WDR59: variants seen among roughly 807,000 people sequenced by gnomAD.
The protein encoded by WDR59 is WD repeat domain 59.
In WDR59, 100 loss-of-function variants were observed where a neutral mutation model predicts 131.2. The observed-to-expected ratio is 0.76, with a 90% CI of 0.65 to 0.90. WDR59 has a LOEUF of 0.90. WDR59 is among the 40% of genes least tolerant of loss of function. The pLI is 0.00. For missense variants in WDR59, 1,203 were observed against 1,262.2 expected (o/e 0.95, Z 0.71); for synonymous variants, 601 against 466.2 (o/e 1.29, Z -3.72).
chr16:74,878,926 G>T (rs551412699), intron 25 of WDR59, among the ~76,000 whole-genome samples: 1 of 152,190 alleles, frequency 6.6e-6, no homozygotes, highest in African/African-American at 2.4e-5. Context: ...GCCTAAAGTC[G>T]CTTCCTATAA....
intron 8 of WDR59, among the ~76,000 whole-genome samples, chr16:74,937,008 T>C (rs1006662556): frequency 1.3e-5 from 2 of 152,204 alleles, no homozygotes; most frequent in Non-Finnish European, 2.9e-5. Context: ...AAAGATGTCA[T>C]ATATGACTAT....
intron 2 of WDR59, chr16:74,959,399 T>A: frequency 2.9e-6 from 1 of 341,504 alleles, no homozygotes; most frequent in African/African-American, 2.2e-5. Flanking sequence ...CAGTCGCTCT[T>A]TAGCATTAGC....
At chr16:74,959,492 G>A in intron 2 of WDR59, 1 of 446,532 alleles carries the variant, frequency 2.2e-6, no homozygotes, top group Non-Finnish European at 4.5e-6. Flanking sequence ...ATGGTTGGAA[G>A]CAGCAGCTCA....
chr16:74,925,759 T>C (rs1238482869), intron 8 of WDR59, among the ~76,000 whole-genome samples: 1 of 149,426 alleles, frequency 6.7e-6, no homozygotes, highest in Non-Finnish European at 1.5e-5. Flanking sequence ...GCTCGTACAG[T>C]GGCTCATGCC....
chr16:74,875,565 A>G (rs1349250763), intron 25 of WDR59, among the ~76,000 whole-genome samples: 2 of 152,058 alleles, frequency 1.3e-5, no homozygotes, highest in African/African-American at 2.4e-5. Context: ...TCCCAAACCT[A>G]CACCACTAAC....
Position 74,876,935 on chromosome 16 carries a change from C to T in WDR59, c.2690-2491G>A, listed in dbSNP as rs1161911398. Among the ~76,000 whole-genome samples the T allele has an allele frequency of 4.6e-5, 7 of 152,064 alleles. No individual in the cohort carries two copies. In the East Asian group the frequency reaches 1.3e-3, roughly 29 times the overall value. On this transcript the variant is annotated intron_variant, in intron 25 of 25. Coordinates refer to ENST00000262144, the MANE Select transcript of WDR59 (RefSeq NM_030581.4). ...CCTTTGGAATATCCCTGACAATCCA[C>T]TAATCGTGCCGGTCGCTAATGGTTC...
intron 1 of WDR59, among the ~76,000 whole-genome samples, chr16:74,966,637 C>A (rs2033788700): frequency 1.3e-5 from 2 of 152,114 alleles, no homozygotes; most frequent in African/African-American, 4.8e-5. Context: ...ACCCAAGACA[C>A]CCGTGACTTT....
At chr16:74,899,109 A>T (rs193013839) in intron 18 of WDR59, among the ~76,000 whole-genome samples, 12 of 152,304 alleles carry the variant, frequency 7.9e-5, no homozygotes, top group Admixed American at 5.9e-4. Context: ...GGCCAATAGG[A>T]GTAAGAAAGA....
At chr16:74,909,425 G>A in intron 16 of WDR59, 76 bp downstream of exon 16, 2 of 1,429,776 alleles carry the variant, frequency 1.4e-6, no homozygotes, top group Admixed American at 5.3e-5. Context: ...TTCTGATGAA[G>A]ATGTTTATAC....
At chr16:74,904,228 G>A (rs991271867) in intron 17 of WDR59, 128 bp from the exon 18 acceptor site, 1 of 1,198,348 alleles carries the variant, frequency 8.3e-7, no homozygotes, top group Non-Finnish European at 1.2e-6. Flanking sequence ...AGAAAAAGAA[G>A]TCAATAAAAC....
chr16:74,886,003 C>A (rs1964737568), intron 24 of WDR59: 2 of 671,766 alleles, frequency 3.0e-6, no homozygotes, highest in African/African-American at 1.8e-5. Flanking sequence ...ATGGTGAAAC[C>A]CTGTCTGTAC....
chr16:74,964,205 C>T (rs1218206514), intron 2 of WDR59, among the ~76,000 whole-genome samples: 1 of 151,870 alleles, frequency 6.6e-6, no homozygotes, highest in Admixed American at 6.6e-5. Flanking sequence ...ATGGTGAAAC[C>T]CCATCTCTAC....
intron 2 of WDR59, chr16:74,962,785 T>TC (rs1481215385): frequency 1.4e-5 from 2 of 147,742 alleles, no homozygotes; most frequent in East Asian, 2.0e-4. Context: ...TTTTTTTTTT[T>TC]CTCTCTTCCT....
At chr16:74,978,043 C>G (rs1044451138) in intron 1 of WDR59, among the ~76,000 whole-genome samples, 2 of 151,760 alleles carry the variant, frequency 1.3e-5, no homozygotes, top group Non-Finnish European at 2.9e-5. Flanking sequence ...ATTCCACCCC[C>G]ACAAAAAATT....
At chr16:74,959,878 A>G (rs375547028) in intron 2 of WDR59, among the ~76,000 whole-genome samples, 21 of 151,880 alleles carry the variant, frequency 1.4e-4, no homozygotes, top group Non-Finnish European at 1.8e-4. Flanking sequence ...AATTCAAAGG[A>G]AACGGCGATA....
chr16:74,912,296 C>A lies in WDR59; in HGVS notation c.1291G>T (p.Val431Leu). 6.2e-7 allele frequency: 1 copy of A among 1,614,138 alleles called. No homozygotes were observed. The highest frequency in any genetic ancestry group is 8.5e-7 in the Non-Finnish European group (1 of 1,180,028). Residue 431 changes from valine (V) to leucine (L), a missense_variant, in exon 14 of 26, where the codon GTG becomes TTG. Val to Leu is a conservative substitution (Grantham distance 32). Transcript: ENST00000262144. ...HCSNHRVKML[V>L]KFPAQYPNNA... The stretch of plus-strand genomic sequence containing the variant: ...TTTGGGTACTGTGCAGGGAACTTCA[C>A]CAGCATCTTGACACGATGGTTGCTG...
At chr16:74,940,963 C>T (rs2032174762) in intron 7 of WDR59, among the ~76,000 whole-genome samples, 1 of 152,046 alleles carries the variant, frequency 6.6e-6, no homozygotes, top group African/African-American at 2.4e-5. Context: ...CTCAGCCTCC[C>T]AAAGTGCTGG....
chr16:74,902,949 A>T (rs571447421), intron 18 of WDR59, among the ~76,000 whole-genome samples: 2 of 152,122 alleles, frequency 1.3e-5, no homozygotes, highest in African/African-American at 4.8e-5. Flanking sequence ...TCCCTATTCA[A>T]CTAAATGGTT....
intron 17 of WDR59, among the ~76,000 whole-genome samples, chr16:74,906,517 G>A (rs1488625252): frequency 2.0e-5 from 3 of 151,952 alleles, no homozygotes; most frequent in Admixed American, 6.6e-5. Flanking sequence ...TCTGATGACT[G>A]AGGAATTCTG....
Sources: gnomAD v4.1 joint callset for allele counts (sites outside exome capture counted in the v4.1 genomes callset) on GRCh38, gnomAD v4.1.1 for gene constraint, MANE v1.5 for transcripts, NCBI Gene and HGNC (gene_info 2026-07-23, HGNC 2026-07-21) for gene names.